Variants in GREP1 observed in about 807,000 individuals in gnomAD.
The protein encoded by GREP1 is glycine rich extracellular protein 1.
intron 33 of GREP1, among the ~76,000 whole-genome samples, chr16:3,001,052 C>T (rs2151116117): frequency 6.6e-6 from 1 of 152,280 alleles, no homozygotes; most frequent in African/African-American, 2.4e-5. Context: ...TGAGAGCCAG[C>T]CCAGACACTG....
intron 18 of GREP1, among the ~76,000 whole-genome samples, chr16:2,996,147 G>A (rs2072423271): frequency 6.6e-6 from 1 of 152,182 alleles, no homozygotes; most frequent in African/African-American, 2.4e-5. Flanking sequence ...TGCTCAGGCT[G>A]GTCTCGAACT....
At position 2,995,972 on chromosome 16, in the gene GREP1, G is replaced by A. The variant is rs538356993; in HGVS notation, c.676+62G>A. On this transcript the variant is annotated intron_variant, in intron 18 of 34. Transcript: ENST00000573315. ...TTTTGAGATGGAGTCTTGCTCTGTC[G>A]CCCAGGCTGGAGTGCAGTGGCGCAA... 1.1e-3 allele frequency: 419 copies of A among 394,894 alleles called. 2 individuals are homozygous for A. Among genetic ancestry groups the A allele is most frequent in the African/African-American group, 8.0e-3 (385 of 48,376 alleles). The allele number at this position is 394,894 out of a possible 1,614,324, so 24.5% of individuals were successfully genotyped here.
Position 2,995,317 on chromosome 16 carries a change from G to A in GREP1, c.517+1G>A. 2.5e-6 allele frequency: 1 copy of A among 398,952 alleles called. No individual in the cohort carries two copies. The highest frequency in any genetic ancestry group is 4.4e-6 in the Non-Finnish European group (1 of 226,056). 24.7% of individuals were successfully genotyped at this position (398,952 alleles called of 1,614,324 possible). A position where few individuals can be genotyped will look rare whatever the true frequency, so the allele number is the denominator to read the frequency against. On this transcript the variant is annotated splice_donor_variant, in intron 14 of 34. Transcript: ENST00000573315. LOFTEE classifies it high-confidence loss of function. ...GGGGACATGAAGGCACAGGAGCCAG[G>A]TAAGCCTGGCTCTCCCGGGCTTCTG...
Position 2,997,104 on chromosome 16 carries a change from G to T in GREP1, c.886+19G>T. On this transcript the variant is annotated intron_variant, in intron 21 of 34. Coordinates refer to ENST00000573315, the Ensembl canonical transcript of GREP1. Reference sequence around the variant, plus strand: ...AAGCCAGGTGAGCCCTGCCCCGCCTGTCCCTCTGCCTCCCCCAAACCCTGA... The same window carrying T: ...AAGCCAGGTGAGCCCTGCCCCGCCTTTCCCTCTGCCTCCCCCAAACCCTGA... 2.5e-6 allele frequency: 1 copy of T among 399,126 alleles called. No individual in the cohort carries two copies. Among genetic ancestry groups the T allele is most frequent in the Non-Finnish European group, 4.4e-6 (1 of 226,110 alleles). 24.7% of individuals were successfully genotyped at this position (399,126 alleles called of 1,614,324 possible).
At chr16:2,988,656 A>G (rs2072383400) in intron 2 of GREP1, 34 bp downstream of exon 2, 1 of 398,928 alleles carries the variant, frequency 2.5e-6, no homozygotes, top group Non-Finnish European at 4.4e-6. Flanking sequence ...GGTCAGGAAG[A>G]GTCTCCCATC....
chr16:2,990,856 C>T (rs535691122), intron 7 of GREP1, among the ~76,000 whole-genome samples, 192 bp from the exon 7 acceptor site: 1 of 152,250 alleles, frequency 6.6e-6, no homozygotes, highest in East Asian at 1.9e-4. Context: ...GAGCAGGGAG[C>T]CCAGGGCGGG....
Position 2,991,165 on chromosome 16 carries a change from G to C in GREP1, c.322+64G>C, listed in dbSNP as rs1175080626. The C allele has an allele frequency of 7.5e-6, 3 of 399,094 alleles. No individual in the cohort carries two copies. Among genetic ancestry groups the C allele is most frequent in the Non-Finnish European group, 1.3e-5 (3 of 226,280 alleles). The allele number at this position is 399,094 out of a possible 1,614,324, so 24.7% of individuals were successfully genotyped here. On this transcript the variant is annotated intron_variant, in intron 8 of 34. Transcript: ENST00000573315. This position sits in a 1 kb window ranked among gnomAD's most constrained non-coding sequence, Gnocchi z 4.9. ...GGAGGGAGGGGGAAGGGGCAGAGCAGAGTCAGGGCACCAGGAGCTGGGAGA... is the reference window on the plus strand; with the variant it reads ...GGAGGGAGGGGGAAGGGGCAGAGCACAGTCAGGGCACCAGGAGCTGGGAGA...
rs892624045 is a variant in GREP1 at position 2,989,456 on chromosome 16, G to C, written c.101-67G>C. ...GGTAAAGCTGGTGGCGGGGTGCTTG[G>C]GGAGGGTGGCACACCGGCTCCCAGC... On this transcript the variant is annotated intron_variant, in intron 2 of 34. Coordinates refer to ENST00000573315, the Ensembl canonical transcript of GREP1. This position sits in a 1 kb window ranked among gnomAD's most constrained non-coding sequence, Gnocchi z 4.2. The C allele has an allele frequency of 1.3e-5, 5 of 399,074 alleles. No individual in the cohort carries two copies. In the Admixed American group the frequency reaches 1.3e-4, roughly 11 times the overall value. The allele number at this position is 399,074 out of a possible 1,614,324, so 24.7% of individuals were successfully genotyped here. A position where few individuals can be genotyped will look rare whatever the true frequency, so the allele number is the denominator to read the frequency against.
chr16:2,992,557 C>T lies in GREP1; in HGVS notation c.323-248C>T. ...CATTCACCCAATCTCCCCTGAGCAC[C>T]CGTCCCAAGCCAGGCCTCGGCTGGC... On this transcript the variant is annotated intron_variant, in intron 8 of 34. Transcript: ENST00000573315. This position sits in a 1 kb window ranked among gnomAD's most constrained non-coding sequence, Gnocchi z 4.9. 1 of 355,238 alleles carries T rather than the reference C, an allele frequency of 2.8e-6. No homozygotes were observed. Among genetic ancestry groups the T allele is most frequent in the Admixed American group, 4.7e-5 (1 of 21,278 alleles). The allele number at this position is 355,238 out of a possible 1,614,324, so 22.0% of individuals were successfully genotyped here.
At chr16:2,996,400 C>G in intron 18 of GREP1, 96 bp from the exon 18 acceptor site, 1 of 398,134 alleles carries the variant, frequency 2.5e-6, no homozygotes, top group Non-Finnish European at 4.4e-6. Context: ...GGCCCCCTCC[C>G]AGGGCCCTGG....
At chr16:2,998,228 C>A (rs1428555459) in intron 23 of GREP1, 128 bp from the exon 22 acceptor site, 3 of 397,914 alleles carry the variant, frequency 7.5e-6, no homozygotes, top group Non-Finnish European at 1.3e-5. Context: ...GGATACACAC[C>A]AGGGACCTGG....
chr16:2,995,058 G>T (rs928530454), intron 13 of GREP1, 96 bp downstream of exon 14: 1 of 398,354 alleles, frequency 2.5e-6, no homozygotes, highest in Non-Finnish European at 4.4e-6. Flanking sequence ...GGGTGACGGG[G>T]CGTCTCCAAG....
At chr16:3,000,934 C>T in intron 33 of GREP1, 107 bp downstream of exon 27, 1 of 398,030 alleles carries the variant, frequency 2.5e-6, no homozygotes, top group Non-Finnish European at 4.4e-6. Context: ...GAAGGTACAG[C>T]CCTCTTGGCG....
chr16:3,001,374 G>A (rs2072461534), intron 34 of GREP1, 40 bp downstream of exon 28: 2 of 399,100 alleles, frequency 5.0e-6, no homozygotes, highest in East Asian at 7.1e-5. Context: ...CTGCCCAAAG[G>A]CCCCCCGTGG....
exon 16 of GREP1, chr16:2,995,646 T>G (rs940651931): frequency 2.0e-5 from 8 of 398,700 alleles, no homozygotes; most frequent in African/African-American, 1.6e-4. Context: ...CGATTTGGAT[T>G]TGGAGCAGGT....
chr16:2,995,314 C>T, exon 14 of GREP1: 1 of 398,980 alleles, frequency 2.5e-6, no homozygotes, highest in Admixed American at 4.4e-5. Context: ...GCACAGGAGC[C>T]AGGTAAGCCT....
At chr16:2,994,448 G>A (rs1431682725) in intron 10 of GREP1, 9 of 322,494 alleles carry the variant, frequency 2.8e-5, no homozygotes, top group Non-Finnish European at 5.6e-6. Context: ...GGCGGAGGTT[G>A]CAGTGAACCA....
rs2072398434 is a variant in GREP1 at position 2,991,366 on chromosome 16, A to G, written c.322+265A>G. The G allele has an allele frequency of 1.2e-5, 4 of 332,840 alleles. No individual in the cohort carries two copies. Among genetic ancestry groups the G allele is most frequent in the South Asian group, 1.6e-4 (1 of 6,386 alleles). The allele number at this position is 332,840 out of a possible 1,614,324, so 20.6% of individuals were successfully genotyped here. A position where few individuals can be genotyped will look rare whatever the true frequency, so the allele number is the denominator to read the frequency against. On this transcript the variant is annotated intron_variant, in intron 8 of 34. Coordinates refer to ENST00000573315, the Ensembl canonical transcript of GREP1. The surrounding 1 kb of genome is among the most constrained non-coding windows in gnomAD (Gnocchi z 4.9). ...ACCCCACCGCTCATGGCCCTCACCA[A>G]TGTCTCCCCAGGATTGGGGAGCAGA...
rs1388712974 is a variant in GREP1 at position 2,992,558 on chromosome 16, C to G, written c.323-247C>G. ...ATTCACCCAATCTCCCCTGAGCACC[C>G]GTCCCAAGCCAGGCCTCGGCTGGCC... On this transcript the variant is annotated intron_variant, in intron 8 of 34. Coordinates refer to ENST00000573315, the Ensembl canonical transcript of GREP1. This position sits in a 1 kb window ranked among gnomAD's most constrained non-coding sequence, Gnocchi z 4.9. The G allele has an allele frequency of 2.8e-6, 1 of 356,210 alleles. No individual in the cohort carries two copies. Among genetic ancestry groups the G allele is most frequent in the South Asian group, 1.5e-4 (1 of 6,668 alleles). The allele number at this position is 356,210 out of a possible 1,614,324, so 22.1% of individuals were successfully genotyped here.
Sources: gnomAD v4.1 joint callset for allele counts (sites outside exome capture counted in the v4.1 genomes callset) on GRCh38, gnomAD v4.1.1 for gene constraint, Gnocchi (gnomAD v3.1) non-coding constraint, MANE v1.5 for transcripts, NCBI Gene and HGNC (gene_info 2026-07-23, HGNC 2026-07-21) for gene names.